Variants in ADAM32 observed in about 807,000 individuals in gnomAD.
ADAM32 encodes disintegrin and metalloproteinase domain-containing protein 32.
In ADAM32, 89 loss-of-function variants were observed where a neutral mutation model predicts 114.9. The observed-to-expected ratio is 0.77, with a 90% CI of 0.65 to 0.92. The LOEUF (loss-of-function observed/expected upper bound fraction) is 0.92, where lower values mean the gene tolerates loss of function less well. Ranked by LOEUF, ADAM32 falls within the 40% of genes least tolerant of loss-of-function variation. The pLI is 0.00. For synonymous variants in ADAM32, 285 were observed against 307.5 expected (o/e 0.93, Z 0.77); for missense variants, 870 against 932.8 (o/e 0.93, Z 0.88).
chr8:39,281,995 C>T (rs888676760), intron 23 of ADAM32, among the ~76,000 whole-genome samples: 4 of 152,172 alleles, frequency 2.6e-5, no homozygotes, highest in Non-Finnish European at 5.9e-5. Flanking sequence ...TTTCTGTCTC[C>T]TTTATCCTTT....
intron 24 of ADAM32, 64 bp downstream of exon 24, chr8:39,283,688 A>G: frequency 1.5e-6 from 2 of 1,352,826 alleles, no homozygotes; most frequent in East Asian, 5.0e-5. Context: ...AAAACTCATA[A>G]TCCACTATTA....
intron 14 of ADAM32, among the ~76,000 whole-genome samples, chr8:39,225,410 G>A (rs758488010): frequency 6.6e-6 from 1 of 152,154 alleles, no homozygotes; most frequent in Non-Finnish European, 1.5e-5. Context: ...CTGCTGCCCT[G>A]TACCCTTTGG....
chr8:39,210,563 A>G (rs1203695846), intron 11 of ADAM32, among the ~76,000 whole-genome samples: 1 of 152,168 alleles, frequency 6.6e-6, no homozygotes, highest in South Asian at 2.1e-4. Flanking sequence ...TGCACAGCCA[A>G]ATCAGTAATG....
Position 39,203,830 on chromosome 8 carries a change from G to T in ADAM32, c.1053-7314G>T, listed in dbSNP as rs189683096. ...GAGCTCTTATAAGGCAGGCCTGGTG[G>T]TGACAAAATCTCTCAGCATTTGCTT... On this transcript the variant is annotated intron_variant, in intron 11 of 24. Transcript: ENST00000379907. Among the ~76,000 whole-genome samples, 919 of 152,216 alleles carry T rather than the reference G, an allele frequency of 6.0e-3. 12 individuals are homozygous for T. The highest frequency in any genetic ancestry group is 0.021 in the African/African-American group (884 of 41,524).
At chr8:39,180,193 GGGCCCCGCACTCGGAGCAGCGGGCC>G (rs1805767780) in intron 10 of ADAM32, among the ~76,000 whole-genome samples, 1 of 152,342 alleles carries the variant, frequency 6.6e-6, no homozygotes, top group South Asian at 2.1e-4. Flanking sequence ...TGGGCTTGGC[GGGCCCCGCACTCGGAGCAGCGGGCC>G]GGCCCTGCCG....
chr8:39,274,417 T>C (rs1812945246), intron 21 of ADAM32, 67 bp downstream of exon 21: 2 of 1,521,060 alleles, frequency 1.3e-6, no homozygotes, highest in Admixed American at 3.6e-5. Flanking sequence ...TAATTCACAA[T>C]TTATTTCTAA....
chr8:39,133,907 T>G (rs560415041), intron 2 of ADAM32, among the ~76,000 whole-genome samples: 31 of 152,318 alleles, frequency 2.0e-4, no homozygotes, highest in Admixed American at 1.9e-3. Context: ...GTGTCCCTGC[T>G]GCTGGGAGCG....
chr8:39,174,557 G>A (rs1314252279), intron 10 of ADAM32, among the ~76,000 whole-genome samples: 1 of 151,618 alleles, frequency 6.6e-6, no homozygotes, highest in East Asian at 1.9e-4. Context: ...TGTGCACAAT[G>A]TGCAGGTTAG....
chr8:39,241,386 G>A, intron 16 of ADAM32, among the ~76,000 whole-genome samples: 1 of 152,222 alleles, frequency 6.6e-6, no homozygotes, highest in East Asian at 1.9e-4. Context: ...GCCCCAGTAG[G>A]GACTCTGTGT....
At chr8:39,219,955 T>C (rs1241214219) in intron 12 of ADAM32, among the ~76,000 whole-genome samples, 1 of 152,212 alleles carries the variant, frequency 6.6e-6, no homozygotes, top group African/African-American at 2.4e-5. Flanking sequence ...TGTGTATTAG[T>C]ATTAGGTCCA....
At chr8:39,157,731 C>G (rs560839123) in intron 6 of ADAM32, 7 of 1,341,058 alleles carry the variant, frequency 5.2e-6, no homozygotes, top group Non-Finnish European at 2.1e-6. Context: ...TAGTTCCCAC[C>G]ACACAGCACT....
At chr8:39,279,995 G>A (rs1285774930) in intron 22 of ADAM32, among the ~76,000 whole-genome samples, 1 of 152,192 alleles carries the variant, frequency 6.6e-6, no homozygotes, top group East Asian at 1.9e-4. Context: ...AGCAGCTGAG[G>A]TCTGCACTGC....
intron 19 of ADAM32, among the ~76,000 whole-genome samples, chr8:39,265,519 G>C (rs1812296603): frequency 1.3e-5 from 2 of 152,136 alleles, no homozygotes; most frequent in Non-Finnish European, 2.9e-5. Flanking sequence ...GTTATGTGCA[G>C]ATTTGATCCT....
chr8:39,108,795 G>C (rs1486666844), intron 1 of ADAM32, among the ~76,000 whole-genome samples: 1 of 152,176 alleles, frequency 6.6e-6, no homozygotes, highest in Non-Finnish European at 1.5e-5. Flanking sequence ...TGTGGTCAAG[G>C]CCAGGGTGTC....
At chr8:39,199,281 T>C (rs950894049) in intron 11 of ADAM32, among the ~76,000 whole-genome samples, 8 of 152,208 alleles carry the variant, frequency 5.3e-5, no homozygotes, top group African/African-American at 1.9e-4. Context: ...GTTTCAGCTA[T>C]TATTCCTTAC....
At chr8:39,284,145 G>A (rs1304847884) in intron 24 of ADAM32, among the ~76,000 whole-genome samples, 1 of 151,422 alleles carries the variant, frequency 6.6e-6, no homozygotes, top group East Asian at 1.9e-4. Flanking sequence ...AACTTAGTCT[G>A]TTTTTTTTCA....
In ADAM32 at chr8:39,132,004, C is replaced by A. The variant is rs184110214; in HGVS notation, c.139-4653C>A. 2.7e-4 allele frequency: 86 copies of A among 316,000 alleles called. No homozygotes were observed. The East Asian group carries it at 6.9e-3, about 25-fold the overall frequency. 19.6% of individuals were successfully genotyped at this position (316,000 alleles called of 1,614,324 possible). On this transcript the variant is annotated intron_variant, in intron 2 of 24. Coordinates refer to ENST00000379907, the MANE Select transcript of ADAM32 (RefSeq NM_145004.7). ...CGTCTCCCGGGTTCAAACGATTTTC[C>A]TGCCTCAGCATCCTGAGTAGTTGGG...
At chr8:39,150,893 C>T in intron 5 of ADAM32, among the ~76,000 whole-genome samples, 1 of 141,980 alleles carries the variant, frequency 7.0e-6, no homozygotes, top group Admixed American at 7.4e-5. Flanking sequence ...TTATTATATA[C>T]ATTTGTCATA....
At chr8:39,239,061 C>CTTGTATTTGGAATTCGAGAATTCCAAATT (rs1470940947) in intron 16 of ADAM32, among the ~76,000 whole-genome samples, 1 of 152,018 alleles carries the variant, frequency 6.6e-6, no homozygotes, top group Non-Finnish European at 1.5e-5. Context: ...AATACAAGAA[C>CTTGTATTTGGAATTCGAGAATTCCAAATT]CTCGAAGAAT....
Sources: allele counts gnomAD v4.1 joint callset (sites outside exome capture counted in the v4.1 genomes callset), GRCh38; gene constraint gnomAD v4.1.1; transcripts MANE v1.5; gene names NCBI Gene and HGNC (gene_info 2026-07-23, HGNC 2026-07-21).